The following ADORA3 variants were observed in gnomAD, a reference collection of about 807,000 sequenced individuals.
ADORA3 encodes the protein adenosine receptor A3.
Under a neutral mutation model 5.7 loss-of-function variants are expected in ADORA3, and 3 were observed. That is an observed-to-expected ratio of 0.52 (90% confidence interval 0.24 to 1.35). The LOEUF (loss-of-function observed/expected upper bound fraction) is 1.35, where lower values mean the gene tolerates loss of function less well. ADORA3 is among the 40% of genes most tolerant of loss of function. The probability of loss-of-function intolerance (pLI) is 0.17; values close to 1 mark genes in which losing one functional copy is unlikely to be tolerated. For missense variants in ADORA3, 343 were observed against 389.0 expected, an observed-to-expected ratio of 0.88 and a Z score of 0.99; for synonymous variants, 168 against 152.3, an observed-to-expected ratio of 1.10 and a Z score of -0.76.
chr1:111,502,171 AAT>A (rs1655236850), intron 1 of ADORA3, among the ~76,000 whole-genome samples: 1 of 66,936 alleles, frequency 1.5e-5, no homozygotes, highest in African/African-American at 6.5e-5. Context: ...TATTTATTAT[AAT>A]AAATATATAG....
At chr1:111,500,837 G>A (rs1655137655) in intron 1 of ADORA3, 3 of 509,698 alleles carry the variant, frequency 5.9e-6, no homozygotes, top group South Asian at 4.1e-5. Flanking sequence ...TAAGGAGGAT[G>A]TTGCCTAGAG....
intron 1 of ADORA3, chr1:111,501,338 A>C (rs1655163194): frequency 6.6e-6 from 1 of 152,174 alleles, no homozygotes; most frequent in African/African-American, 2.4e-5. Context: ...TTGCTCCTTA[A>C]ACTGTCCTTC....
rs1557823858 is a variant in ADORA3, at chr1:111,502,057, A to AATATATAGGATATATATATTATAAT, written c.350+923_350+947dup. ...TATAGGATATATATTTAATATAATA[A>AATATATAGGATATATATATTATAAT]ATATATAGGATATATATATTATAAT... On this transcript the variant is annotated intron_variant, in intron 1 of 1. Coordinates refer to ENST00000241356, the MANE Select transcript of ADORA3 (RefSeq NM_000677.4). Among the ~76,000 whole-genome samples the AATATATAGGATATATATATTATAAT allele has an allele frequency of 2.0e-4, 28 of 139,498 alleles. 1 individual carries two copies. Among genetic ancestry groups the AATATATAGGATATATATATTATAAT allele is most frequent in the Admixed American group, 1.0e-3 (13 of 12,924 alleles). The allele number at this position is 139,498 out of a possible 152,430, so 91.5% of individuals were successfully genotyped here.
chr1:111,500,260 T>C lies in ADORA3; in HGVS notation c.647A>G (p.Lys216Arg), dbSNP rs778453586. 4 of 1,614,016 alleles carry C rather than the reference T, an allele frequency of 2.5e-6. No individual in the cohort carries two copies. Residue 216 changes from lysine (K) to arginine (R), a missense_variant, in exon 2 of 2, where the codon AAA (lysine) becomes AGA (arginine). Coordinates refer to ENST00000241356, the MANE Select transcript of ADORA3 (RefSeq NM_000677.4). ...CCGTCCATAAAATGCACCTGTCTCT[T>C]TGGAGTTAGATAAGTTCAGACTGAG... ...NKLSLNLSNS[K>R]ETGAFYGREF...
In ADORA3 at chr1:111,500,406, T is replaced by C. The variant is rs749695463; in HGVS notation, c.501A>G (p.Gln167=). ...YHRNVTFLSC[Q]FVSVMRMDYM... ...AGTCCATTCTCATGACGGAAACAAATTGGCATGAAAGGAAGGTGACATTTC... is the reference window on the plus strand; with the variant it reads ...AGTCCATTCTCATGACGGAAACAAACTGGCATGAAAGGAAGGTGACATTTC... The change falls in exon 2 of 2, where the codon CAA becomes CAG. Residue 167 remains glutamine (Q), a synonymous_variant. Coordinates refer to ENST00000241356, the MANE Select transcript of ADORA3 (RefSeq NM_000677.4). 2 of 1,614,146 alleles carry C rather than the reference T, an allele frequency of 1.2e-6. No homozygotes were observed. The highest frequency in any genetic ancestry group is 1.7e-6 in the Non-Finnish European group (2 of 1,180,030).
Position 111,503,174 on chromosome 1 carries a change from C to T in ADORA3, c.181G>A (p.Val61Ile), listed in dbSNP as rs1422158770. 2.5e-6 allele frequency: 4 copies of T among 1,614,260 alleles called. No homozygotes were observed. Among genetic ancestry groups the T allele is most frequent in the Middle Eastern group, 1.6e-4 (1 of 6,062 alleles). ...IVSLALADIA[V>I]GVLVMPLAIV... Reference sequence around the variant, plus strand: ...GCCAAAGGCATGACCAGCACCCCAACAGCAATGTCAGCCAGGGCTAGAGAG... The same window carrying T: ...GCCAAAGGCATGACCAGCACCCCAATAGCAATGTCAGCCAGGGCTAGAGAG... Residue 61 changes from valine (V) to isoleucine (I), a missense_variant, in exon 1 of 2, where the codon GTT (valine) becomes ATT (isoleucine). Val to Ile is a conservative substitution (Grantham distance 29, BLOSUM62 3). Transcript: ENST00000241356.
At chr1:111,501,121 T>C (rs1655151325) in intron 1 of ADORA3, 1 of 154,988 alleles carries the variant, frequency 6.5e-6, no homozygotes, top group African/African-American at 2.4e-5. Flanking sequence ...CCTGCTGTTC[T>C]TGGCACTGTT....
In ADORA3 at chr1:111,503,131, C is replaced by T; in HGVS notation, c.224G>A (p.Gly75Asp). ...VMPLAIVVSL[G>D]ITIHFYSCLF... ...GCAGCTGTAGAAGTGGATTGTGATG[C>T]CCAGGCTGACAACAATGGCCAAAGG... The change falls in exon 1 of 2, where the codon GGC (glycine) becomes GAC (aspartate). Residue 75 changes from glycine (G) to aspartate (D), a missense_variant. Coordinates refer to ENST00000241356, the MANE Select transcript of ADORA3 (RefSeq NM_000677.4). 7 of 1,614,154 alleles carry T rather than the reference C, an allele frequency of 4.3e-6. No individual in the cohort carries two copies. In the South Asian group the frequency reaches 5.5e-5, roughly 13 times the overall value.
In ADORA3 at chr1:111,500,409, G is replaced by A. The variant is rs768837422; in HGVS notation, c.498C>T (p.Cys166=). 3 of 1,614,088 alleles carry A rather than the reference G, an allele frequency of 1.9e-6. No individual in the cohort carries two copies. Among genetic ancestry groups the A allele is most frequent in the South Asian group, 2.2e-5 (2 of 91,084 alleles). Residue 166 remains cysteine (C), a synonymous_variant, in exon 2 of 2, where the codon TGC becomes TGT. Transcript: ENST00000241356. ...CCATTCTCATGACGGAAACAAATTG[G>A]CATGAAAGGAAGGTGACATTTCTGT... The part of the protein sequence containing the change: ...EYHRNVTFLS[C]QFVSVMRMDY...
In ADORA3 at chr1:111,503,397, C is replaced by A. The variant is rs371921172; in HGVS notation, c.-43G>T. 1.1e-5 allele frequency: 17 copies of A among 1,559,396 alleles called. No individual in the cohort carries two copies. The highest frequency in any genetic ancestry group is 1.4e-5 in the Non-Finnish European group (16 of 1,148,524). On this transcript the variant is annotated 5_prime_UTR_variant, in exon 1 of 2. Coordinates refer to ENST00000241356, the MANE Select transcript of ADORA3 (RefSeq NM_000677.4). ...ACCTCCACAGGGACAGGTGAGCCAG[C>A]AAGATCCGTCTGTAGGGCCAGTGGG...
At chr1:111,500,905 C>A in intron 1 of ADORA3, 1 of 384,054 alleles carries the variant, frequency 2.6e-6, no homozygotes, top group Non-Finnish European at 4.6e-6. Context: ...ACAACTGTTA[C>A]CTATCTTTTC....
At position 111,503,318 on chromosome 1, in the gene ADORA3, C is replaced by G; in HGVS notation, c.37G>C (p.Val13Leu). ...AAAATTTCCATGGTGATGTAGGTAA[C>G]ATTGGCCAATGACAGAGCAGTGCTG... ...NNSTALSLAN[V>L]TYITMEIFIG... Residue 13 changes from valine to leucine, a missense_variant, in exon 1 of 2, where the codon GTT (valine) becomes CTT (leucine). Physicochemically the swap from Val to Leu is conservative, Grantham distance 32. Coordinates refer to ENST00000241356, the MANE Select transcript of ADORA3 (RefSeq NM_000677.4). 1.2e-6 allele frequency: 2 copies of G among 1,614,002 alleles called. No homozygotes were observed. Among genetic ancestry groups the G allele is most frequent in the Non-Finnish European group, 1.7e-6 (2 of 1,179,954 alleles).
intron 1 of ADORA3, 103 bp from the exon 2 acceptor site, chr1:111,500,659 A>G: frequency 8.9e-7 from 1 of 1,128,434 alleles, no homozygotes. Context: ...TAAGGCATAT[A>G]CTCTCTTAAT....
rs1655339607 is a variant in ADORA3, at chr1:111,503,171, C to T, written c.184G>A (p.Gly62Arg). Residue 62 changes from glycine (G) to arginine (R), a missense_variant, in exon 1 of 2, where the codon GGG becomes AGG. Gly to Arg is a moderately radical substitution (Grantham distance 125). Coordinates refer to ENST00000241356, the MANE Select transcript of ADORA3 (RefSeq NM_000677.4). The stretch of plus-strand genomic sequence containing the variant: ...ATGGCCAAAGGCATGACCAGCACCC[C>T]AACAGCAATGTCAGCCAGGGCTAGA... ...VSLALADIAV[G>R]VLVMPLAIVV... The T allele has an allele frequency of 2.5e-6, 4 of 1,614,236 alleles. No homozygotes were observed. Among genetic ancestry groups the T allele is most frequent in the Non-Finnish European group, 3.4e-6 (4 of 1,180,040 alleles).
intron 1 of ADORA3, chr1:111,500,837 G>T: frequency 9.8e-6 from 5 of 509,810 alleles, no homozygotes; most frequent in Admixed American, 3.5e-5. Context: ...TAAGGAGGAT[G>T]TTGCCTAGAG....
Position 111,500,443 on chromosome 1 carries a change from G to A in ADORA3, c.464C>T (p.Ser155Leu). Residue 155 changes from serine to leucine, a missense_variant, in exon 2 of 2, where the codon TCA becomes TTA. Physicochemically the swap from Ser to Leu is moderately radical, Grantham distance 145. Transcript: ENST00000241356. ...PMFGWNMKLT[S>L]EYHRNVTFLS... Reference sequence around the variant, plus strand: ...GAAGGTGACATTTCTGTGGTACTCTGAGGTCAGTTTCATGTTCCAGCCAAA... The same window carrying A: ...GAAGGTGACATTTCTGTGGTACTCTAAGGTCAGTTTCATGTTCCAGCCAAA... The A allele has an allele frequency of 1.2e-6, 2 of 1,614,224 alleles. No homozygotes were observed. Among genetic ancestry groups the A allele is most frequent in the Non-Finnish European group, 1.7e-6 (2 of 1,180,038 alleles).
intron 1 of ADORA3, among the ~76,000 whole-genome samples, chr1:111,501,643 A>AGT (rs1463123628): frequency 6.6e-6 from 1 of 152,226 alleles, no homozygotes; most frequent in African/African-American, 2.4e-5. Context: ...AACTTCTACA[A>AGT]GTTAGAAGTG....
chr1:111,499,636 A>C lies in ADORA3; in HGVS notation c.*314T>G. ...ACTGGAGCCTTTTGTCAGTAAGTCA[A>C]CTAGGCACCCTTCAGGCTCCATGAC... is the stretch of plus-strand genomic sequence containing the variant. On this transcript the variant is annotated 3_prime_UTR_variant, in exon 2 of 2. Coordinates refer to ENST00000241356, the MANE Select transcript of ADORA3 (RefSeq NM_000677.4). 8.8e-7 allele frequency: 1 copy of C among 1,136,850 alleles called. No homozygotes were observed. The highest frequency in any genetic ancestry group is 1.1e-6 in the Non-Finnish European group (1 of 920,682). The allele number at this position is 1,136,850 out of a possible 1,614,324, so 70.4% of individuals were successfully genotyped here.
At chr1:111,500,870 C>A in intron 1 of ADORA3, 1 of 459,578 alleles carries the variant, frequency 2.2e-6, no homozygotes, top group Non-Finnish European at 3.8e-6. Context: ...GTGCTCCACT[C>A]AGGGCTCCAC....
Sources: gnomAD v4.1 joint callset for allele counts (sites outside exome capture counted in the v4.1 genomes callset) on GRCh38, gnomAD v4.1.1 for gene constraint, MANE v1.5 for transcripts, NCBI Gene and HGNC (gene_info 2026-07-23, HGNC 2026-07-21) for gene names.